Variants in IQCE observed in about 807,000 individuals in gnomAD.
The protein encoded by IQCE is IQ motif containing E, also known as IQ domain-containing protein E.
A neutral mutation model predicts 96.0 loss-of-function variants in IQCE; 115 were observed. The observed-to-expected ratio is 1.20, with a 90% confidence interval of 1.03 to 1.40. The LOEUF is 1.40. Among genes scored for constraint, IQCE ranks in the 40% most tolerant of loss-of-function variants. The probability of loss-of-function intolerance (pLI) is 0.00; values close to 1 mark genes in which losing one functional copy is unlikely to be tolerated. For synonymous variants in IQCE, 412 were observed against 371.2 expected (o/e 1.11, Z -1.26); for missense variants, 1,041 against 909.1 (o/e 1.15, Z -1.87).
At chr7:2,581,866 C>A (rs573872665) in intron 8 of IQCE, among the ~76,000 whole-genome samples, 1 of 152,052 alleles carries the variant, frequency 6.6e-6, no homozygotes, top group Admixed American at 6.6e-5. Flanking sequence ...CCCGCCACCG[C>A]GCCTGGCTAA....
intron 1 of IQCE, chr7:2,566,529 G>C (rs1283254181): frequency 7.5e-6 from 1 of 134,144 alleles, no homozygotes; most frequent in Non-Finnish European, 1.5e-5. Flanking sequence ...GCATGATTAT[G>C]ACTCACTGCA....
chr7:2,560,231 A>G (rs59732349), intron 1 of IQCE, among the ~76,000 whole-genome samples: 5,416 of 152,328 alleles, frequency 0.036, 344 homozygotes, highest in African/African-American at 0.12. Context: ...CCTGGGCAAC[A>G]GAGTGAGGCC....
chr7:2,597,541 G>A (rs1245372029), intron 16 of IQCE, among the ~76,000 whole-genome samples: 1 of 152,250 alleles, frequency 6.6e-6, no homozygotes, highest in Non-Finnish European at 1.5e-5. Flanking sequence ...CTCCCTCCGG[G>A]GAGGGCTTTC....
At chr7:2,597,269 G>A in intron 16 of IQCE, 1 of 390,696 alleles carries the variant, frequency 2.6e-6, no homozygotes, top group South Asian at 1.9e-5. Context: ...GCCTTCTGGA[G>A]TGTGGGGCCC....
intron 11 of IQCE, among the ~76,000 whole-genome samples, chr7:2,585,906 CAA>C (rs1235725183): frequency 2.6e-5 from 4 of 152,208 alleles, no homozygotes; most frequent in Admixed American, 6.5e-5. Flanking sequence ...CCTGGCGTAA[CAA>C]GATGCCTTTC....
chr7:2,597,353 C>G (rs760850624), intron 16 of IQCE, among the ~76,000 whole-genome samples: 39 of 152,228 alleles, frequency 2.6e-4, no homozygotes, highest in Non-Finnish European at 5.0e-4. Flanking sequence ...GAAGGCAGGC[C>G]CTTCACTGTC....
At chr7:2,600,845 C>T (rs1271074678) in intron 17 of IQCE, among the ~76,000 whole-genome samples, 1 of 152,160 alleles carries the variant, frequency 6.6e-6, no homozygotes, top group Non-Finnish European at 1.5e-5. Context: ...GGACTTCGCT[C>T]ACATCTATAA....
At chr7:2,594,824 T>C in intron 15 of IQCE, 62 bp from the exon 16 acceptor site, 7 of 837,610 alleles carry the variant, frequency 8.4e-6, no homozygotes, top group Non-Finnish European at 1.2e-5. Flanking sequence ...CACCCTGCCC[T>C]GTGCCGGCCT....
In IQCE at chr7:2,586,155, G is replaced by A. The variant is rs1783091124; in HGVS notation, c.825-53G>A. ...TTCACCTGTCCCTCGTTTCAAGCAT[G>A]TGTGAAACCAGCTTAGCAATGCAAA... On this transcript the variant is annotated intron_variant, in intron 11 of 21. Coordinates refer to ENST00000402050, the MANE Select transcript of IQCE (RefSeq NM_152558.5). 1.1e-5 allele frequency: 17 copies of A among 1,539,916 alleles called. No individual in the cohort carries two copies. The South Asian group carries it at 1.6e-4, about 14-fold the overall frequency.
intron 2 of IQCE, among the ~76,000 whole-genome samples, chr7:2,567,407 A>G (rs1781459097): frequency 6.6e-6 from 1 of 152,254 alleles, no homozygotes; most frequent in African/African-American, 2.4e-5. Flanking sequence ...ACAGATTGCT[A>G]GTCCCTGGCC....
At chr7:2,586,089 A>G (rs1285515912) in intron 11 of IQCE, 119 bp from the exon 12 acceptor site, 3 of 962,938 alleles carry the variant, frequency 3.1e-6, no homozygotes, top group Non-Finnish European at 4.5e-6. Context: ...ACTCACCTGC[A>G]AAAACCACTC....
Position 2,567,113 on chromosome 7 carries a change from C to T in IQCE, c.37-3C>T, listed in dbSNP as rs765522208. On this transcript the variant is annotated splice_polypyrimidine_tract_variant and splice_region_variant and intron_variant, in intron 1 of 21. Coordinates refer to ENST00000402050, the MANE Select transcript of IQCE (RefSeq NM_152558.5). ...GTTACAGTGTTTGCCTCTCTTCCTC[C>T]AGGGAGATGACAGTCTGTCTGCAGT... 1.2e-6 allele frequency: 2 copies of T among 1,613,600 alleles called. No homozygotes were observed. The highest frequency in any genetic ancestry group is 8.5e-7 in the Non-Finnish European group (1 of 1,179,622).
intron 1 of IQCE, among the ~76,000 whole-genome samples, chr7:2,560,099 A>G (rs542896441): frequency 8.5e-5 from 13 of 152,086 alleles, no homozygotes; most frequent in Non-Finnish European, 1.9e-4. Context: ...GGTGGAAGCT[A>G]CAGTGAACTG....
chr7:2,587,983 C>G, intron 13 of IQCE, 106 bp downstream of exon 13: 1 of 1,079,466 alleles, frequency 9.3e-7, no homozygotes, highest in Non-Finnish European at 1.4e-6. Context: ...CACTGGCTGT[C>G]TGCCAGGCAG....
In IQCE at chr7:2,586,346, CT is replaced by C; in HGVS notation, c.964del (p.Ser322ProfsTer19). On this transcript the variant is annotated frameshift_variant, in exon 12 of 22. Coordinates refer to ENST00000402050, the MANE Select transcript of IQCE (RefSeq NM_152558.5). LOFTEE classifies it high-confidence loss of function. The part of the protein sequence containing the change: ...KEDLDRVLST[S>X]PTISKTQGYV... Reference sequence around the variant, plus strand: ...AGGACCTGGACCGCGTGCTGAGCACCTCCCCAACCATCTCCAAGACACAGGG... The same window carrying C: ...AGGACCTGGACCGCGTGCTGAGCACCCCCCAACCATCTCCAAGACACAGGG... The C allele has an allele frequency of 6.2e-7, 1 of 1,613,354 alleles. No individual in the cohort carries two copies. Among genetic ancestry groups the C allele is most frequent in the Non-Finnish European group, 8.5e-7 (1 of 1,179,828 alleles).
At chr7:2,560,111 G>C (rs774853023) in intron 1 of IQCE, among the ~76,000 whole-genome samples, 2 of 152,112 alleles carry the variant, frequency 1.3e-5, no homozygotes, top group Non-Finnish European at 1.5e-5. Flanking sequence ...AGTGAACTGT[G>C]ATCATGGCCC....
chr7:2,603,711 C>G (rs559407534), intron 18 of IQCE, among the ~76,000 whole-genome samples: 2 of 152,318 alleles, frequency 1.3e-5, no homozygotes, highest in Admixed American at 1.3e-4. Context: ...TCTGGCGGGT[C>G]GTTCACCGTT....
chr7:2,612,901 TAG>T lies in IQCE; in HGVS notation c.*2744_*2745del, dbSNP rs1428993217. 6.6e-6 allele frequency: 1 copy of T among 151,944 alleles called. No individual in the cohort carries two copies. Among genetic ancestry groups the T allele is most frequent in the East Asian group, 1.9e-4 (1 of 5,180 alleles). 9.4% of individuals were successfully genotyped at this position (151,944 alleles called of 1,614,324 possible). A position where few individuals can be genotyped will look rare whatever the true frequency, so the allele number is the denominator to read the frequency against. The stretch of plus-strand genomic sequence containing the variant: ...TAGACAACTCCCGGGGGAGACGAAG[TAG>T]AGAGTGAGTCCCCAAGAAAGGGACT... On this transcript the variant is annotated 3_prime_UTR_variant, in exon 22 of 22. Transcript: ENST00000402050.
intron 8 of IQCE, chr7:2,582,113 A>T (rs76521494): frequency 2.1e-6 from 1 of 465,670 alleles, no homozygotes; most frequent in Admixed American, 2.4e-5. Context: ...CCCTTCCCCA[A>T]ATAGAGGGGA....
Sources: gnomAD v4.1 joint callset for allele counts (sites outside exome capture counted in the v4.1 genomes callset) on GRCh38, gnomAD v4.1.1 for gene constraint, MANE v1.5 for transcripts, NCBI Gene and HGNC (gene_info 2026-07-23, HGNC 2026-07-21) for gene names.